The following RPSA2 variants were observed in gnomAD, a reference collection of about 807,000 sequenced individuals.
RPSA2 encodes the protein small ribosomal subunit protein uS2B.
the RPSA2 span, among the ~76,000 whole-genome samples, chr19:23,810,590 T>C: frequency 1.3e-5 from 2 of 152,024 alleles, no homozygotes; most frequent in Non-Finnish European, 2.9e-5. Flanking sequence ...TTTCACTGAG[T>C]ACAAGAGAGA....
At chr19:23,848,448 T>C in the RPSA2 span, among the ~76,000 whole-genome samples, 4 of 152,224 alleles carry the variant, frequency 2.6e-5, no homozygotes, top group African/African-American at 9.6e-5. Context: ...CTGGTAGACT[T>C]AATCCAAGTC....
chr19:23,861,197 T>C, the RPSA2 span, among the ~76,000 whole-genome samples: 3 of 152,216 alleles, frequency 2.0e-5, no homozygotes. Context: ...TGATTTTCTA[T>C]GTTATGTAAA....
At chr19:23,822,049 T>C in the RPSA2 span, among the ~76,000 whole-genome samples, 1 of 152,184 alleles carries the variant, frequency 6.6e-6, no homozygotes, top group East Asian at 1.9e-4. Flanking sequence ...GCATTCACCA[T>C]GCACTGATTT....
chr19:23,862,812 C>T, the RPSA2 span, among the ~76,000 whole-genome samples: 1 of 150,970 alleles, frequency 6.6e-6, no homozygotes, highest in Non-Finnish European at 1.5e-5. Flanking sequence ...GTTCTAATAG[C>T]TGGCTGCCTC....
At chr19:23,832,685 G>A in the RPSA2 span, 3 of 1,493,000 alleles carry the variant, frequency 2.0e-6, no homozygotes, top group East Asian at 8.3e-5. Flanking sequence ...ACCCTAACTG[G>A]TCATAAGAGG....
the RPSA2 span, among the ~76,000 whole-genome samples, chr19:23,866,522 C>G: frequency 1.3e-5 from 2 of 149,062 alleles, no homozygotes; most frequent in Non-Finnish European, 3.0e-5. Flanking sequence ...TGCCCCCCCC[C>G]GCCCAGTGGA....
the RPSA2 span, among the ~76,000 whole-genome samples, chr19:23,781,025 A>C: frequency 6.6e-6 from 1 of 152,198 alleles, no homozygotes; most frequent in Non-Finnish European, 1.5e-5. Flanking sequence ...CCCAGGCTGG[A>C]GTGCAGTGGC....
chr19:23,809,077 G>A, the RPSA2 span: 1 of 156,892 alleles, frequency 6.4e-6, no homozygotes, highest in Admixed American at 6.4e-5. Flanking sequence ...CAAAAAGAGT[G>A]CACAATCTGA....
At chr19:23,800,144 T>C in the RPSA2 span, among the ~76,000 whole-genome samples, 1 of 151,198 alleles carries the variant, frequency 6.6e-6, no homozygotes, top group African/African-American at 2.4e-5. Flanking sequence ...TTCTCCTGCC[T>C]CAGCCTCCCA....
At chr19:23,789,659 G>C in the RPSA2 span, among the ~76,000 whole-genome samples, 1 of 151,894 alleles carries the variant, frequency 6.6e-6, no homozygotes, top group East Asian at 1.9e-4. Context: ...TAAAGCTCTC[G>C]GGTGGCACAG....
chr19:23,858,841 C>T, the RPSA2 span, among the ~76,000 whole-genome samples: 1 of 152,178 alleles, frequency 6.6e-6, no homozygotes, highest in Non-Finnish European at 1.5e-5. Context: ...CCAGGTTTCT[C>T]ATGCACTCTG....
chr19:23,865,629 G>T, the RPSA2 span, among the ~76,000 whole-genome samples: 1 of 152,114 alleles, frequency 6.6e-6, no homozygotes, highest in South Asian at 2.1e-4. Context: ...TTGGCCATTT[G>T]CTAAGCAGAA....
chr19:23,827,745 G>A, the RPSA2 span: 1 of 1,578,924 alleles, frequency 6.3e-7, no homozygotes, highest in East Asian at 2.2e-5. Context: ...GAACACCCAT[G>A]GGAGGTCATG....
the RPSA2 span, among the ~76,000 whole-genome samples, chr19:23,799,701 A>G: frequency 7.0e-6 from 1 of 142,198 alleles, no homozygotes; most frequent in Admixed American, 7.3e-5. Flanking sequence ...CAAGTAGCCA[A>G]AAAGATAGCA....
chr19:23,821,796 T>C, the RPSA2 span, among the ~76,000 whole-genome samples: 2 of 152,230 alleles, frequency 1.3e-5, no homozygotes, highest in African/African-American at 4.8e-5. Flanking sequence ...GCCTCTTCCA[T>C]GCCCACACCC....
the RPSA2 span, among the ~76,000 whole-genome samples, chr19:23,863,794 T>C: frequency 6.6e-6 from 1 of 152,186 alleles, no homozygotes; most frequent in Non-Finnish European, 1.5e-5. Flanking sequence ...ACATAAGAAT[T>C]TGACTAGTGT....
the RPSA2 span, among the ~76,000 whole-genome samples, chr19:23,845,360 T>A: frequency 6.6e-6 from 1 of 151,626 alleles, no homozygotes; most frequent in Non-Finnish European, 1.5e-5. Context: ...CCTTAACATG[T>A]AAGCTTTCTA....
chr19:23,870,579 G>A, the RPSA2 span, among the ~76,000 whole-genome samples: 6 of 152,222 alleles, frequency 3.9e-5, no homozygotes, highest in Admixed American at 3.9e-4. Context: ...GCCTTCTTTA[G>A]AAGCCTGGAC....
chr19:23,794,314 TAAC>T, the RPSA2 span, among the ~76,000 whole-genome samples: 1 of 152,206 alleles, frequency 6.6e-6, no homozygotes, highest in Non-Finnish European at 1.5e-5. Flanking sequence ...GTACACTCTT[TAAC>T]AGCAGTGTAT....
Sources: gnomAD v4.1 joint callset for allele counts (sites outside exome capture counted in the v4.1 genomes callset) on GRCh38, gnomAD v4.1.1 for gene constraint, MANE v1.5 for transcripts, NCBI Gene and HGNC (gene_info 2026-07-23, HGNC 2026-07-21) for gene names.